ULK2: variants seen among roughly 807,000 people sequenced by gnomAD.
The protein encoded by ULK2 is serine/threonine-protein kinase ULK2.
A neutral mutation model predicts 127.5 loss-of-function variants in ULK2; 76 were observed. The observed-to-expected ratio is 0.60, with a 90% CI of 0.50 to 0.72. The LOEUF is 0.72. ULK2 is among the 30% of genes least tolerant of loss of function. ULK2 has a pLI of 0.00. For missense variants in ULK2, 1,144 were observed against 1,295.9 expected (o/e 0.88, Z 1.80); for synonymous variants, 452 against 461.9 (o/e 0.98, Z 0.28).
chr17:19,828,100 G>A (rs1350676411), intron 10 of ULK2, among the ~76,000 whole-genome samples: 2 of 152,118 alleles, frequency 1.3e-5, no homozygotes, highest in Non-Finnish European at 2.9e-5. Context: ...CCAGAAGGCA[G>A]TGGGATATTA....
intron 3 of ULK2, among the ~76,000 whole-genome samples, chr17:19,860,735 G>A (rs965234702): frequency 5.3e-5 from 8 of 152,110 alleles, no homozygotes; most frequent in Non-Finnish European, 1.2e-4. Context: ...TGTTGGTCAC[G>A]CTGGTCTCAA....
rs1386765670 is a variant in ULK2 at position 19,774,442 on chromosome 17, AAAG to A, written c.*1904_*1906del. On this transcript the variant is annotated 3_prime_UTR_variant, in exon 27 of 27. Transcript: ENST00000395544. Reference sequence around the variant, plus strand: ...TGAACCTGTTTCATCCTGTCTTAAAAAAGAAATGGGAGAGGAAGAGGAGAGGAT... The same window carrying A: ...TGAACCTGTTTCATCCTGTCTTAAAAAAATGGGAGAGGAAGAGGAGAGGAT... 1 of 152,240 alleles carries A rather than the reference AAAG, an allele frequency of 6.6e-6. No homozygotes were observed. Among genetic ancestry groups the A allele is most frequent in the African/African-American group, 2.4e-5 (1 of 41,470 alleles). The allele number at this position is 152,240 out of a possible 1,614,324, so 9.4% of individuals were successfully genotyped here. A position where few individuals can be genotyped will look rare whatever the true frequency, so the allele number is the denominator to read the frequency against.
intron 10 of ULK2, among the ~76,000 whole-genome samples, chr17:19,832,172 A>G (rs966274336): frequency 6.6e-6 from 1 of 152,062 alleles, no homozygotes; most frequent in African/African-American, 2.4e-5. Flanking sequence ...AGCTAACTTC[A>G]TGCTTATGGA....
intron 3 of ULK2, among the ~76,000 whole-genome samples, chr17:19,852,552 C>T (rs1219623305): frequency 6.7e-6 from 1 of 149,716 alleles, no homozygotes; most frequent in Non-Finnish European, 1.5e-5. Context: ...CATCTCTTTA[C>T]TTCATATACT....
Position 19,786,033 on chromosome 17 carries a change from T to A in ULK2, c.2155A>T (p.Ser719Cys), listed in dbSNP as rs536895428. Reference sequence around the variant, plus strand: ...ACAGTGAAGAGGACAGCCTTGGAACTTGCTGCTGTACCTGCAGGAGGTGCC... The same window carrying A: ...ACAGTGAAGAGGACAGCCTTGGAACATGCTGCTGTACCTGCAGGAGGTGCC... ...VLAPPAGTAA[S>C]SKAVLFTVGS... is the part of the protein sequence containing the mutation. The change falls in exon 21 of 27, where the codon AGT becomes TGT. Residue 719 changes from serine (S) to cysteine (C), a missense_variant. Physicochemically the swap from Ser to Cys is moderately radical, Grantham distance 112 (BLOSUM62 -1). Transcript: ENST00000395544. 1 of 1,574,680 alleles carries A rather than the reference T, an allele frequency of 6.4e-7. No homozygotes were observed. The highest frequency in any genetic ancestry group is 2.4e-5 in the East Asian group (1 of 41,980).
In ULK2 at chr17:19,785,991, T is replaced by G; in HGVS notation, c.2197A>C (p.Ser733Arg). 1 of 1,589,690 alleles carries G rather than the reference T, an allele frequency of 6.3e-7. No individual in the cohort carries two copies. The highest frequency in any genetic ancestry group is 1.1e-5 in the South Asian group (1 of 87,556). The change falls in exon 21 of 27, where the codon AGT (serine) becomes CGT (arginine). Residue 733 changes from serine to arginine, a missense_variant. Physicochemically the swap from Ser to Arg is moderately radical, Grantham distance 110 (BLOSUM62 -1). Coordinates refer to ENST00000395544, the MANE Select transcript of ULK2 (RefSeq NM_014683.4). Reference sequence around the variant, plus strand: ...TGGGTACAAGTGGGGGCTGCCGCACTGTGTGGAGGAGACCCTACAGTGAAG... The same window carrying G: ...TGGGTACAAGTGGGGGCTGCCGCACGGTGTGGAGGAGACCCTACAGTGAAG... ...VLFTVGSPPHSAAAPTCTHMF... is the reference protein window; with the variant it reads ...VLFTVGSPPHRAAAPTCTHMF...
chr17:19,786,656 G>A (rs2087038390), intron 20 of ULK2, among the ~76,000 whole-genome samples: 1 of 151,428 alleles, frequency 6.6e-6, no homozygotes, highest in Non-Finnish European at 1.5e-5. Flanking sequence ...AGAGGTTGCA[G>A]TGAGCTGAGA....
rs1183133583 is a variant in ULK2, at chr17:19,774,152, T to G, written c.*2197A>C. 1 of 152,622 alleles carries G rather than the reference T, an allele frequency of 6.6e-6. No individual in the cohort carries two copies. The highest frequency in any genetic ancestry group is 6.5e-5 in the Admixed American group (1 of 15,278). The allele number at this position is 152,622 out of a possible 1,614,324, so 9.5% of individuals were successfully genotyped here. On this transcript the variant is annotated 3_prime_UTR_variant, in exon 27 of 27. Coordinates refer to ENST00000395544, the MANE Select transcript of ULK2 (RefSeq NM_014683.4). ...AACACGATATGAAATTTAAAAATAC[T>G]CAGGGAAACATAAAGCATTTGTTTA...
rs1244247495 is a variant in ULK2, at chr17:19,776,455, T to C, written c.3053-48A>G. On this transcript the variant is annotated intron_variant, in intron 26 of 26. Transcript: ENST00000395544. ...GAAGAACTAATGAAAAAAATCACTA[T>C]ATTGTCATCTCTATTCTATCTTTGC... The C allele has an allele frequency of 2.7e-6, 4 of 1,462,580 alleles. No homozygotes were observed. In the East Asian group the frequency reaches 9.9e-5, roughly 36 times the overall value. 90.6% of individuals were successfully genotyped at this position (1,462,580 alleles called of 1,614,324 possible). A position where few individuals can be genotyped will look rare whatever the true frequency, so the allele number is the denominator to read the frequency against.
At chr17:19,782,115 TAC>T in intron 22 of ULK2, 48 bp from the exon 23 acceptor site, 1 of 1,563,864 alleles carries the variant, frequency 6.4e-7, no homozygotes, top group Non-Finnish European at 8.7e-7. Flanking sequence ...TAAAAATACG[TAC>T]ATACTCATTT....
intron 21 of ULK2, 122 bp downstream of exon 21, chr17:19,785,815 T>C (rs2087016775): frequency 8.3e-7 from 1 of 1,206,424 alleles, no homozygotes; most frequent in East Asian, 2.8e-5. Context: ...TCCATTTCAC[T>C]GGTAAAGAAA....
chr17:19,833,127 G>GAAAAAAAA (rs71157837), intron 10 of ULK2, among the ~76,000 whole-genome samples: 20 of 115,470 alleles, frequency 1.7e-4, no homozygotes, highest in African/African-American at 5.6e-4. Flanking sequence ...TGTCTCAAAG[G>GAAAAAAAA]AAAAAAAAAA....
In ULK2 at chr17:19,780,876, C is replaced by T. The variant is rs931371559; in HGVS notation, c.2758+110G>A. 8 of 1,159,032 alleles carry T rather than the reference C, an allele frequency of 6.9e-6. No individual in the cohort carries two copies. In the East Asian group the frequency reaches 1.7e-4, roughly 24 times the overall value. The allele number at this position is 1,159,032 out of a possible 1,614,324, so 71.8% of individuals were successfully genotyped here. A position where few individuals can be genotyped will look rare whatever the true frequency, so the allele number is the denominator to read the frequency against. ...CCAGCATCTTTTCCCTTTAAGAATA[C>T]TGAAAAATAAAAACAACAGTGAGTA... On this transcript the variant is annotated intron_variant, in intron 24 of 26. Coordinates refer to ENST00000395544, the MANE Select transcript of ULK2 (RefSeq NM_014683.4).
intron 10 of ULK2, among the ~76,000 whole-genome samples, chr17:19,836,223 A>T (rs2041594392): frequency 6.6e-6 from 1 of 152,012 alleles, no homozygotes; most frequent in Non-Finnish European, 1.5e-5. Flanking sequence ...AGCCTGACCA[A>T]CATGGTGAAA....
chr17:19,797,725 T>A (rs201979267), intron 17 of ULK2, 43 bp from the exon 18 acceptor site: 2 of 1,407,194 alleles, frequency 1.4e-6, no homozygotes, highest in East Asian at 5.4e-5. Flanking sequence ...AGTGAAGAAG[T>A]GCAGTGCAAA....
At chr17:19,820,298 A>C (rs745861444) in intron 12 of ULK2, among the ~76,000 whole-genome samples, 1 of 152,138 alleles carries the variant, frequency 6.6e-6, no homozygotes, top group African/African-American at 2.4e-5. Flanking sequence ...CCACCCGCCT[A>C]GGCCTCCCAA....
At chr17:19,844,930 T>G (rs2041844894) in intron 7 of ULK2, among the ~76,000 whole-genome samples, 1 of 152,194 alleles carries the variant, frequency 6.6e-6, no homozygotes, top group Non-Finnish European at 1.5e-5. Flanking sequence ...AGAGTTAACA[T>G]GCAAAAGATA....
Position 19,797,626 on chromosome 17 carries a change from G to T in ULK2, c.1579C>A (p.Gln527Lys). The change falls in exon 18 of 27, where the codon CAG becomes AAG. Residue 527 changes from glutamine (Q) to lysine (K), a missense_variant. This residue lies in a region of ULK2 where 913 missense variants were observed against 970.5 expected (regional missense o/e 0.94). Transcript: ENST00000395544. ...PQSLLSGARLQSAPTLTDIYQ... is the reference protein window; with the variant it reads ...PQSLLSGARLKSAPTLTDIYQ... ...ATGTCAGTGAGGGTGGGGGCGCTCT[G>T]CAGTCTAGCACCCGATAAGAGAGAC... is the stretch of plus-strand genomic sequence containing the variant. 6.2e-7 allele frequency: 1 copy of T among 1,611,694 alleles called. No individual in the cohort carries two copies. The highest frequency in any genetic ancestry group is 8.5e-7 in the Non-Finnish European group (1 of 1,178,908).
Position 19,849,752 on chromosome 17 carries a change from A to AAAAAGACAGAGTTGGGT in ULK2, c.231_247dup (p.Leu83TyrfsTer8). On this transcript the variant is annotated frameshift_variant, in exon 4 of 27. Coordinates refer to ENST00000395544, the MANE Select transcript of ULK2 (RefSeq NM_014683.4). LOFTEE classifies it high-confidence loss of function. ...TTGTATACTACCTACCTCCATCACC[A>AAAAAGACAGAGTTGGGT]AAAAGACAGAGTTGGGTAATTCCTG... is the stretch of plus-strand genomic sequence containing the variant. 6.5e-7 allele frequency: 1 copy of AAAAAGACAGAGTTGGGT among 1,546,710 alleles called. No homozygotes were observed. The highest frequency in any genetic ancestry group is 8.7e-7 in the Non-Finnish European group (1 of 1,143,556).
Sources: gnomAD v4.1 joint callset for allele counts (sites outside exome capture counted in the v4.1 genomes callset) on GRCh38, gnomAD v4.1.1 for gene constraint, gnomAD v4.1.1 regional missense constraint, MANE v1.5 for transcripts, NCBI Gene and HGNC (gene_info 2026-07-23, HGNC 2026-07-21) for gene names.